The following ARMC2 variants were observed in gnomAD, a reference collection of about 807,000 sequenced individuals.
The protein encoded by ARMC2 is armadillo repeat containing 2.
In ARMC2, 67 loss-of-function variants were observed where a neutral mutation model predicts 90.3. The observed-to-expected ratio is 0.74, with a 90% confidence interval of 0.61 to 0.91. ARMC2 has a LOEUF of 0.91. Among genes scored for constraint, ARMC2 ranks in the 40% least tolerant of loss-of-function variants. The pLI is 0.00. For missense variants in ARMC2, 920 were observed against 1,030.9 expected (o/e 0.89, Z 1.47); for synonymous variants, 393 against 393.0 (o/e 1.00, Z 0.00).
intron 4 of ARMC2, among the ~76,000 whole-genome samples, chr6:108,869,427 G>A (rs1014369981): frequency 6.6e-6 from 1 of 152,196 alleles, no homozygotes; most frequent in African/African-American, 2.4e-5. Flanking sequence ...AGAAGTGCTT[G>A]AAACCAGGAG....
At chr6:108,883,595 G>A (rs1182412327) in intron 5 of ARMC2, among the ~76,000 whole-genome samples, 1 of 152,106 alleles carries the variant, frequency 6.6e-6, no homozygotes, top group East Asian at 1.9e-4. Flanking sequence ...GCAATATATA[G>A]TTGAAAAAAT....
the ARMC2 span, among the ~76,000 whole-genome samples, chr6:109,003,144 C>T: frequency 2.0e-5 from 3 of 151,888 alleles, no homozygotes; most frequent in Non-Finnish European, 1.5e-5. Flanking sequence ...TTTACAGAAA[C>T]AAAACTAAAA....
At chr6:108,905,517 A>C (rs1307179647) in intron 8 of ARMC2, among the ~76,000 whole-genome samples, 2 of 151,926 alleles carry the variant, frequency 1.3e-5, no homozygotes, top group Non-Finnish European at 2.9e-5. Flanking sequence ...TACCAAGCCA[A>C]AGAAAGAGAG....
At chr6:109,024,769 C>A in the ARMC2 span, among the ~76,000 whole-genome samples, 1 of 152,164 alleles carries the variant, frequency 6.6e-6, no homozygotes, top group African/African-American at 2.4e-5. Context: ...TGGCTGAGAA[C>A]TGTCACTTGC....
At chr6:108,955,613 A>T (rs1777520815) in intron 13 of ARMC2, among the ~76,000 whole-genome samples, 1 of 152,104 alleles carries the variant, frequency 6.6e-6, no homozygotes, top group Non-Finnish European at 1.5e-5. Context: ...TTCACTTCTG[A>T]TTGGGATCTG....
intron 10 of ARMC2, among the ~76,000 whole-genome samples, chr6:108,926,625 TGAGGCAC>T (rs1421625579): frequency 6.6e-6 from 1 of 151,978 alleles, no homozygotes; most frequent in Non-Finnish European, 1.5e-5. Context: ...CTTGGGAGGC[TGAGGCAC>T]GACAATTGCT....
the ARMC2 span, among the ~76,000 whole-genome samples, chr6:109,035,386 C>T: frequency 0.1 from 15,210 of 151,966 alleles, 927 homozygotes; most frequent in Middle Eastern, 0.19. Context: ...CCTCTGTGGT[C>T]CCAAATTTTC....
At chr6:109,029,036 C>G in the ARMC2 span, among the ~76,000 whole-genome samples, 1 of 152,086 alleles carries the variant, frequency 6.6e-6, no homozygotes, top group Non-Finnish European at 1.5e-5. Flanking sequence ...AGCTTCATGC[C>G]TACTCTGAAA....
chr6:108,958,586 A>C (rs1387171734), intron 13 of ARMC2, among the ~76,000 whole-genome samples: 2 of 152,164 alleles, frequency 1.3e-5, no homozygotes, highest in Non-Finnish European at 2.9e-5. Flanking sequence ...TACCAAGGCA[A>C]GAGAAATAAA....
intron 5 of ARMC2, among the ~76,000 whole-genome samples, chr6:108,892,478 T>C (rs1026621335): frequency 6.6e-6 from 1 of 151,600 alleles, no homozygotes; most frequent in Non-Finnish European, 1.5e-5. Flanking sequence ...ATGGGGTGGC[T>C]GGTGGGCGCC....
the ARMC2 span, among the ~76,000 whole-genome samples, chr6:108,989,761 C>T: frequency 6.6e-6 from 1 of 152,136 alleles, no homozygotes; most frequent in African/African-American, 2.4e-5. Context: ...GAGAGCCTAT[C>T]CTGCTTTAAG....
At chr6:108,925,060 A>G (rs1301368105) in intron 10 of ARMC2, among the ~76,000 whole-genome samples, 1 of 152,114 alleles carries the variant, frequency 6.6e-6, no homozygotes, top group Non-Finnish European at 1.5e-5. Context: ...TTTTTCTTTC[A>G]TCCGTTATTT....
intron 13 of ARMC2, among the ~76,000 whole-genome samples, chr6:108,958,566 C>A (rs377676516): frequency 1.3e-5 from 2 of 152,106 alleles, no homozygotes; most frequent in African/African-American, 4.8e-5. Context: ...GACAAGCTAA[C>A]GAATTCTCCT....
the ARMC2 span, among the ~76,000 whole-genome samples, chr6:109,009,181 G>C: frequency 2.0e-5 from 3 of 152,234 alleles, no homozygotes; most frequent in African/African-American, 7.2e-5. Context: ...CCCCCGAGGG[G>C]CGCAGGAGGG....
At position 108,946,082 on chromosome 6, in the gene ARMC2, G is replaced by A. The variant is rs184616924; in HGVS notation, c.1597-6951G>A. Among the ~76,000 whole-genome samples the A allele has an allele frequency of 7.2e-4, 110 of 152,330 alleles. 1 individual carries two copies. Among genetic ancestry groups the A allele is most frequent in the African/African-American group, 2.5e-3 (105 of 41,578 alleles). ...GTCTGCGCCCCTGACCGGGCAGGCT[G>A]TACAATACGCCCTTAGCTTGTTCAT... On this transcript the variant is annotated intron_variant, in intron 12 of 17. Coordinates refer to ENST00000392644, the MANE Select transcript of ARMC2 (RefSeq NM_032131.6).
chr6:108,890,208 A>G (rs1302597974), intron 5 of ARMC2, among the ~76,000 whole-genome samples: 39 of 133,228 alleles, frequency 2.9e-4, no homozygotes, highest in African/African-American at 9.9e-4. Context: ...AAAAAAAAAA[A>G]AAAAAAAAAA....
intron 4 of ARMC2, among the ~76,000 whole-genome samples, chr6:108,875,489 T>C (rs1388676282): frequency 6.6e-6 from 1 of 152,112 alleles, no homozygotes; most frequent in Admixed American, 6.6e-5. Flanking sequence ...AGCTGGTCTC[T>C]GTGCTGAAAA....
intron 17 of ARMC2, among the ~76,000 whole-genome samples, chr6:108,970,575 G>A (rs998392606): frequency 7.4e-5 from 10 of 134,806 alleles, no homozygotes; most frequent in African/African-American, 1.1e-4. Flanking sequence ...ATGGCTCACT[G>A]CACTCTCTGC....
intron 10 of ARMC2, among the ~76,000 whole-genome samples, chr6:108,918,575 A>G (rs1337604775): frequency 2.6e-5 from 4 of 151,864 alleles, no homozygotes; most frequent in African/African-American, 7.3e-5. Context: ...GCCGTTGGGA[A>G]CCCTGATGGT....
Sources: gnomAD v4.1 joint callset for allele counts (sites outside exome capture counted in the v4.1 genomes callset) on GRCh38, gnomAD v4.1.1 for gene constraint, MANE v1.5 for transcripts, NCBI Gene and HGNC (gene_info 2026-07-23, HGNC 2026-07-21) for gene names.